FAM135B: variants seen among roughly 807,000 people sequenced by gnomAD.
FAM135B encodes the protein protein FAM135B.
A neutral mutation model predicts 127.7 loss-of-function variants in FAM135B; 43 were observed. The observed-to-expected ratio is 0.34, with a 90% CI of 0.26 to 0.43. FAM135B has a LOEUF of 0.43. Among genes scored for constraint, FAM135B ranks in the 20% least tolerant of loss-of-function variants. The pLI is 1.00. For missense variants in FAM135B, 1,558 were observed against 1,725.6 expected (o/e 0.90, Z 1.72); for synonymous variants, 670 against 665.1 (o/e 1.01, Z -0.11).
At chr8:138,144,008 C>A (rs1388311614) in intron 15 of FAM135B, among the ~76,000 whole-genome samples, 2 of 152,186 alleles carry the variant, frequency 1.3e-5, no homozygotes, top group African/African-American at 2.4e-5. Flanking sequence ...AAGAGAGAAC[C>A]ATAAGCTCTT....
At chr8:138,253,842 C>A (rs1821883440) in intron 5 of FAM135B, among the ~76,000 whole-genome samples, 1 of 152,194 alleles carries the variant, frequency 6.6e-6, no homozygotes, top group Admixed American at 6.5e-5. Flanking sequence ...TGTTTCAGAG[C>A]CTAATGTCCA....
chr8:138,470,969 T>C (rs1837642916), intron 1 of FAM135B, among the ~76,000 whole-genome samples: 1 of 152,242 alleles, frequency 6.6e-6, no homozygotes, highest in African/African-American at 2.4e-5. Context: ...CTGAAATACA[T>C]GCCTCTCACT....
chr8:138,475,770 T>C (rs1564031243), intron 1 of FAM135B, among the ~76,000 whole-genome samples: 1 of 152,324 alleles, frequency 6.6e-6, no homozygotes, highest in East Asian at 1.9e-4. Flanking sequence ...CATGTTTTTA[T>C]TGCTGGTGGA....
chr8:138,307,729 T>A (rs1826368754), intron 3 of FAM135B, among the ~76,000 whole-genome samples: 1 of 56,480 alleles, frequency 1.8e-5, no homozygotes, highest in Non-Finnish European at 3.6e-5. Flanking sequence ...ATCCCCATTG[T>A]GGTAAAAAAA....
At chr8:138,172,607 A>T (rs1820564065) in intron 11 of FAM135B, among the ~76,000 whole-genome samples, 1 of 152,162 alleles carries the variant, frequency 6.6e-6, no homozygotes, top group African/African-American at 2.4e-5. Flanking sequence ...TTCTCCGTCC[A>T]GTGAGGGCAG....
chr8:138,450,709 T>C lies in FAM135B; in HGVS notation c.-20+45962A>G, dbSNP rs571400098. ...AATGTGGTTGGTTATTTTCTTATTG[T>C]TGAGTTTTATGGTCTTTGGGACACC... On this transcript the variant is annotated intron_variant, in intron 1 of 19. Transcript: ENST00000395297. The C allele has an allele frequency of 2.0e-5, 3 of 152,328 alleles. No homozygotes were observed. In the East Asian group the frequency reaches 5.8e-4, roughly 29 times the overall value. 9.4% of individuals were successfully genotyped at this position (152,328 alleles called of 1,614,324 possible).
chr8:138,419,966 A>G (rs1834392874), intron 1 of FAM135B, among the ~76,000 whole-genome samples: 1 of 152,178 alleles, frequency 6.6e-6, no homozygotes, highest in African/African-American at 2.4e-5. Context: ...CTCCAAAGCT[A>G]GCAAAAGAAA....
intron 10 of FAM135B, 39 bp downstream of exon 10, chr8:138,178,496 T>A (rs1289003701): frequency 6.2e-7 from 1 of 1,608,664 alleles, no homozygotes; most frequent in Non-Finnish European, 8.5e-7. Flanking sequence ...AGAAATCAAA[T>A]GCATGTGATC....
rs146800734 is a variant in FAM135B at position 138,376,030 on chromosome 8, G to C, written c.-19-8028C>G. ...TTGTTTTGAAATGGAGACTCACTCT[G>C]TCGCCCAAGCTGGAGTGAGGTGGCA... On this transcript the variant is annotated intron_variant, in intron 1 of 19. Transcript: ENST00000395297. Among the ~76,000 whole-genome samples, 247 of 152,282 alleles carry C rather than the reference G, an allele frequency of 1.6e-3. 2 individuals are homozygous for C. The highest frequency in any genetic ancestry group is 5.8e-3 in the African/African-American group (239 of 41,554).
intron 1 of FAM135B, chr8:138,441,227 A>G (rs1354880854): frequency 6.6e-6 from 1 of 152,232 alleles, no homozygotes; most frequent in Non-Finnish European, 1.5e-5. Flanking sequence ...ACTGTCTATC[A>G]ACTCAGCTCT....
intron 7 of FAM135B, among the ~76,000 whole-genome samples, chr8:138,231,144 C>T (rs1391431872): frequency 6.6e-6 from 1 of 152,042 alleles, no homozygotes; most frequent in Non-Finnish European, 1.5e-5. Flanking sequence ...CTCAGCCTCC[C>T]AGTGCTGCTG....
intron 11 of FAM135B, among the ~76,000 whole-genome samples, chr8:138,172,739 G>A (rs1220178273): frequency 2.0e-5 from 3 of 152,226 alleles, no homozygotes; most frequent in African/African-American, 4.8e-5. Flanking sequence ...GAGAAAGGGA[G>A]CTGAGTAAAT....
In FAM135B at chr8:138,153,178, CT is replaced by C. The variant is rs763237429; in HGVS notation, c.1296del (p.Val433Ter). On this transcript the variant is annotated frameshift_variant, in exon 13 of 20. Transcript: ENST00000395297. LOFTEE classifies it high-confidence loss of function. The stretch of plus-strand genomic sequence containing the variant: ...AGATTCATTATTGTAGGACTTGTCA[CT>C]GGAACATCAAAATTAGGATAAACAC... Reference protein sequence around the residue: ...NLSVYPNFDVPVTSPTIMNLK... With the variant: ...NLSVYPNFDVXVTSPTIMNLK... 1.3e-6 allele frequency: 2 copies of C among 1,591,390 alleles called. No homozygotes were observed. The highest frequency in any genetic ancestry group is 1.7e-6 in the Non-Finnish European group (2 of 1,166,710).
chr8:138,295,717 G>A (rs1427614151), intron 3 of FAM135B, among the ~76,000 whole-genome samples: 1 of 152,040 alleles, frequency 6.6e-6, no homozygotes, highest in Non-Finnish European at 1.5e-5. Flanking sequence ...GCCAATCTGT[G>A]ATCTGCACAA....
chr8:138,266,264 T>C lies in FAM135B; in HGVS notation c.158-422A>G, dbSNP rs549148908. 7.9e-5 allele frequency among the ~76,000 whole-genome samples: 12 copies of C among 152,256 alleles called. No homozygotes were observed. The East Asian group carries it at 1.5e-3, about 20-fold the overall frequency. The stretch of plus-strand genomic sequence containing the variant: ...TTCTACAAGGACTTCCTAGTGCCCA[T>C]AGAGTCTCTCCCTTCTCAAAGGTGC... On this transcript the variant is annotated intron_variant, in intron 3 of 19. Transcript: ENST00000395297.
chr8:138,243,079 G>C lies in FAM135B; in HGVS notation c.543-11C>G, dbSNP rs1563811621. On this transcript the variant is annotated splice_polypyrimidine_tract_variant and intron_variant, in intron 6 of 19. Transcript: ENST00000395297. The surrounding 1 kb of genome is among the most constrained non-coding windows in gnomAD (Gnocchi z 7.5). Reference sequence around the variant, plus strand: ...CCTGGACGAGTAAAACTAAACAAAAGATAATTGAAAGGGTGAAAAAGGAGG... The same window carrying C: ...CCTGGACGAGTAAAACTAAACAAAACATAATTGAAAGGGTGAAAAAGGAGG... The C allele has an allele frequency of 5.6e-6, 9 of 1,603,088 alleles. No individual in the cohort carries two copies. Among genetic ancestry groups the C allele is most frequent in the Non-Finnish European group, 2.6e-6 (3 of 1,175,846 alleles).
intron 9 of FAM135B, among the ~76,000 whole-genome samples, chr8:138,179,838 G>A (rs1389107592): frequency 6.6e-6 from 1 of 152,036 alleles, no homozygotes; most frequent in Non-Finnish European, 1.5e-5. Context: ...ACAGGTGCAT[G>A]CCACTGCACC....
chr8:138,212,280 G>T (rs1329891649), intron 7 of FAM135B, among the ~76,000 whole-genome samples: 1 of 152,058 alleles, frequency 6.6e-6, no homozygotes, highest in African/African-American at 2.4e-5. Context: ...TGGTCATCAG[G>T]AAGAACTCTA....
At chr8:138,220,088 C>CACA (rs1818909897) in intron 7 of FAM135B, among the ~76,000 whole-genome samples, 1 of 151,934 alleles carries the variant, frequency 6.6e-6, no homozygotes, top group East Asian at 1.9e-4. Flanking sequence ...CACACACACA[C>CACA]ACGTGCTCAT....
Sources: gnomAD v4.1 joint callset for allele counts (sites outside exome capture counted in the v4.1 genomes callset) on GRCh38, gnomAD v4.1.1 for gene constraint, Gnocchi (gnomAD v3.1) non-coding constraint, MANE v1.5 for transcripts, NCBI Gene and HGNC (gene_info 2026-07-23, HGNC 2026-07-21) for gene names.